Variants in RASGRP3 observed in about 807,000 individuals in gnomAD.
RASGRP3 encodes RAS guanyl releasing protein 3.
Under a neutral mutation model 82.7 loss-of-function variants are expected in RASGRP3, and 54 were observed. That is an observed-to-expected ratio of 0.65 (90% CI 0.52 to 0.82). The LOEUF (loss-of-function observed/expected upper bound fraction) is 0.82, where lower values mean the gene tolerates loss of function less well. Among genes scored for constraint, RASGRP3 ranks in the 40% least tolerant of loss-of-function variants. RASGRP3 has a pLI of 0.00. For synonymous variants in RASGRP3, 309 were observed against 300.5 expected (o/e 1.03, Z -0.29); for missense variants, 861 against 828.9 (o/e 1.04, Z -0.48).
chr2:33,465,165 C>A (rs375078777), intron 2 of RASGRP3, among the ~76,000 whole-genome samples: 1 of 152,200 alleles, frequency 6.6e-6, no homozygotes, highest in African/African-American at 2.4e-5. Flanking sequence ...CCAATGAATA[C>A]ATGAATGACA....
intron 17 of RASGRP3, among the ~76,000 whole-genome samples, chr2:33,562,000 T>G (rs1676713837): frequency 6.6e-6 from 1 of 152,192 alleles, no homozygotes; most frequent in South Asian, 2.1e-4. Flanking sequence ...TGGGAAATGC[T>G]GACTAAATAA....
intron 1 of RASGRP3, among the ~76,000 whole-genome samples, chr2:33,486,297 G>A (rs992422782): frequency 6.6e-6 from 1 of 151,866 alleles, no homozygotes; most frequent in Non-Finnish European, 1.5e-5. Context: ...CTGAGTAACT[G>A]GGATTACAGG....
intron 14 of RASGRP3, 43 bp downstream of exon 14, chr2:33,549,794 G>C (rs143848038): frequency 6.4e-6 from 10 of 1,570,740 alleles, no homozygotes; most frequent in South Asian, 1.2e-5. Context: ...GTAGTTATTT[G>C]TGTGGCATTC....
intron 2 of RASGRP3, among the ~76,000 whole-genome samples, chr2:33,512,472 C>G (rs1671019577): frequency 6.6e-6 from 1 of 152,100 alleles, no homozygotes. Flanking sequence ...TTTAAGGGTA[C>G]TGATAGAGTT....
chr2:33,467,937 A>G (rs1158352410), intron 2 of RASGRP3, among the ~76,000 whole-genome samples: 1 of 151,960 alleles, frequency 6.6e-6, no homozygotes, highest in African/African-American at 2.4e-5. Context: ...AAGAAGCAAG[A>G]CTTGGGAAAA....
intron 1 of RASGRP3, among the ~76,000 whole-genome samples, chr2:33,507,140 A>T (rs913008108): frequency 6.6e-6 from 1 of 152,240 alleles, no homozygotes; most frequent in Non-Finnish European, 1.5e-5. Context: ...TCACACATGT[A>T]ATTCCAGCAC....
chr2:33,488,574 C>A (rs1358450402), intron 1 of RASGRP3, among the ~76,000 whole-genome samples: 1 of 152,164 alleles, frequency 6.6e-6, no homozygotes, highest in Non-Finnish European at 1.5e-5. Flanking sequence ...TCATATTTAT[C>A]CTCTGACTTC....
chr2:33,449,708 G>A (rs981024113), intron 2 of RASGRP3, among the ~76,000 whole-genome samples: 3 of 151,580 alleles, frequency 2.0e-5, no homozygotes, highest in Non-Finnish European at 2.9e-5. Flanking sequence ...GCAGTGAGCC[G>A]AGATTACACC....
At chr2:33,540,556 T>TTG (rs377215232) in intron 12 of RASGRP3, among the ~76,000 whole-genome samples, 1,767 of 38,482 alleles carry the variant, frequency 0.046, 61 homozygotes, top group African/African-American at 0.1. Flanking sequence ...TGTGTGTGTT[T>TTG]TGTGTGTGTG....
intron 1 of RASGRP3, among the ~76,000 whole-genome samples, chr2:33,491,171 C>G (rs1668809433): frequency 1.6e-3 from 1 of 622 alleles, no homozygotes; most frequent in Admixed American, 0.02. Context: ...CAAAAATTAG[C>G]TGGTGTGGTG....
chr2:33,487,725 C>CAT (rs1246969730), intron 1 of RASGRP3, among the ~76,000 whole-genome samples: 1 of 152,168 alleles, frequency 6.6e-6, no homozygotes, highest in Non-Finnish European at 1.5e-5. Flanking sequence ...GTTTGGGCAA[C>CAT]ATAGTGAGAC....
intron 13 of RASGRP3, among the ~76,000 whole-genome samples, chr2:33,546,927 C>T (rs920361346): frequency 6.6e-6 from 1 of 151,484 alleles, no homozygotes; most frequent in Non-Finnish European, 1.5e-5. Context: ...ATTAGCCGGG[C>T]GTGGTGACAC....
At chr2:33,524,287 T>C in intron 8 of RASGRP3, 145 bp from the exon 9 acceptor site, 1 of 713,536 alleles carries the variant, frequency 1.4e-6, no homozygotes, top group South Asian at 2.1e-5. Flanking sequence ...TATATTTCTC[T>C]GATTCTATTT....
chr2:33,517,907 C>T (rs560295511), intron 4 of RASGRP3, among the ~76,000 whole-genome samples: 6 of 152,156 alleles, frequency 3.9e-5, no homozygotes, highest in African/African-American at 7.2e-5. Flanking sequence ...AAACTTTCCT[C>T]CCTTTGGATT....
intron 9 of RASGRP3, among the ~76,000 whole-genome samples, chr2:33,526,148 A>G (rs918987758): frequency 6.6e-6 from 1 of 152,214 alleles, no homozygotes; most frequent in African/African-American, 2.4e-5. Context: ...CCAGAGTAAT[A>G]CAATGTACTG....
rs573022728 is a variant in RASGRP3, at chr2:33,556,231, C to CTTTTTTTTTT, written c.1579+682_1579+691dup. 6.8e-4 allele frequency among the ~76,000 whole-genome samples: 39 copies of CTTTTTTTTTT among 57,498 alleles called. 7 individuals are homozygous for CTTTTTTTTTT. Among genetic ancestry groups the CTTTTTTTTTT allele is most frequent in the African/African-American group, 3.3e-3 (31 of 9,310 alleles). 37.7% of individuals were successfully genotyped at this position (57,498 alleles called of 152,430 possible). A position where few individuals can be genotyped will look rare whatever the true frequency, so the allele number is the denominator to read the frequency against. On this transcript the variant is annotated intron_variant, in intron 15 of 17. Transcript: ENST00000403687. ...CAGTTTATATGGTTCTTCTAATAAT[C>CTTTTTTTTTT]TTTTTTTTTTTTTTTTTTTTTTTTT...
In RASGRP3 at chr2:33,524,121, G is replaced by A; in HGVS notation, c.690+69G>A. ...GTTCACTCTGTTGAGAAAAGTCATTGAGGAAATGTGGCGTTCACAGTATAA... is the reference window on the plus strand; with the variant it reads ...GTTCACTCTGTTGAGAAAAGTCATTAAGGAAATGTGGCGTTCACAGTATAA... On this transcript the variant is annotated intron_variant, in intron 8 of 17. Coordinates refer to ENST00000403687, the MANE Select transcript of RASGRP3 (RefSeq NM_001139488.2). The A allele has an allele frequency of 2.6e-6, 4 of 1,535,296 alleles. No homozygotes were observed. In the East Asian group the frequency reaches 9.0e-5, roughly 35 times the overall value.
chr2:33,537,373 T>G (rs1673758501), intron 11 of RASGRP3, among the ~76,000 whole-genome samples: 1 of 147,732 alleles, frequency 6.8e-6, no homozygotes, highest in African/African-American at 2.5e-5. Flanking sequence ...TGTAATTTTT[T>G]TTTTTGAAAC....
rs546721907 is a variant in RASGRP3, at chr2:33,496,416, G to A, written c.-260-15294G>A. ...TGAAGTAAGATATTGCTGATGTCAG[G>A]CTTATGGCATCTATAGTCATCTTGC... On this transcript the variant is annotated intron_variant, in intron 1 of 17. Transcript: ENST00000403687. Among the ~76,000 whole-genome samples, 21 of 152,248 alleles carry A rather than the reference G, an allele frequency of 1.4e-4. No individual in the cohort carries two copies. In the East Asian group the frequency reaches 3.9e-3, roughly 28 times the overall value.
Sources: gnomAD v4.1 joint callset for allele counts (sites outside exome capture counted in the v4.1 genomes callset) on GRCh38, gnomAD v4.1.1 for gene constraint, MANE v1.5 for transcripts, NCBI Gene and HGNC (gene_info 2026-07-23, HGNC 2026-07-21) for gene names.